Variants in SEM1 observed in about 807,000 individuals in gnomAD.
SEM1 encodes SEM1 26S proteasome subunit.
Under a neutral mutation model 12.7 loss-of-function variants are expected in SEM1, and 3 were observed. The observed-to-expected ratio is 0.24, with a 90% CI of 0.11 to 0.61. The LOEUF is 0.61. SEM1 is among the 20% of genes least tolerant of loss of function. The pLI, the probability that SEM1 is intolerant of heterozygous loss-of-function variation, is 0.88. For missense variants in SEM1, 59 were observed against 81.3 expected (o/e 0.73, Z 1.06); for synonymous variants, 30 against 27.8 (o/e 1.08, Z -0.25).
chr7:96,607,167 A>C (rs1481694585), intron 2 of SEM1, among the ~76,000 whole-genome samples: 1 of 152,216 alleles, frequency 6.6e-6, no homozygotes, highest in East Asian at 1.9e-4. Context: ...TTGGTGAAAC[A>C]AACAGATAAA....
intron 2 of SEM1, among the ~76,000 whole-genome samples, chr7:96,561,979 C>T (rs1805702235): frequency 6.6e-6 from 1 of 152,170 alleles, no homozygotes; most frequent in Admixed American, 6.5e-5. Context: ...TTTCTTTTTA[C>T]AACTGTAGCA....
intron 2 of SEM1, among the ~76,000 whole-genome samples, chr7:96,585,545 G>C (rs1009813633): frequency 2.0e-5 from 3 of 152,244 alleles, no homozygotes; most frequent in African/African-American, 7.2e-5. Context: ...CCTGGGCAAT[G>C]GCGGGCGCCC....
upstream of SEM1, among the ~76,000 whole-genome samples, chr7:96,497,428 A>T (rs1381595504): frequency 6.6e-6 from 1 of 152,136 alleles, no homozygotes; most frequent in Non-Finnish European, 1.5e-5. Context: ...AAGTGGAAAA[A>T]CAAGAAGAAA....
intron 2 of SEM1, among the ~76,000 whole-genome samples, chr7:96,538,381 C>T (rs913808303): frequency 2.6e-5 from 4 of 151,774 alleles, no homozygotes; most frequent in African/African-American, 9.7e-5. Context: ...TTGCTGAAAA[C>T]TAGACATATT....
At chr7:96,486,430 T>C in intron 1 of SEM1, 1 of 1,535,072 alleles carries the variant, frequency 6.5e-7, no homozygotes, top group Non-Finnish European at 8.7e-7. Flanking sequence ...ATAAGGGAAG[T>C]TGAAGGTATT....
downstream of SEM1, among the ~76,000 whole-genome samples, chr7:96,668,930 G>A (rs530972765): frequency 1.4e-4 from 21 of 152,236 alleles, no homozygotes; most frequent in African/African-American, 4.8e-4. Context: ...GAATGCCATG[G>A]GACAACAAAG....
At chr7:96,496,267 T>A in intron 1 of SEM1, 2 of 1,464,624 alleles carry the variant, frequency 1.4e-6, no homozygotes, top group Non-Finnish European at 1.8e-6. Context: ...ATTGATATAA[T>A]CCATATCAGT....
chr7:96,674,312 G>C (rs1223339975), intron 2 of SEM1, among the ~76,000 whole-genome samples: 3 of 152,056 alleles, frequency 2.0e-5, no homozygotes, highest in Non-Finnish European at 4.4e-5. Context: ...AGGGCTTATA[G>C]AGCAGTGTTT....
At chr7:96,493,815 C>T (rs1803126770) in intron 1 of SEM1, among the ~76,000 whole-genome samples, 1 of 152,154 alleles carries the variant, frequency 6.6e-6, no homozygotes, top group Non-Finnish European at 1.5e-5. Flanking sequence ...AGCTATTTCC[C>T]CAATCTATGC....
intron 2 of SEM1, among the ~76,000 whole-genome samples, chr7:96,694,479 C>A (rs1434511237): frequency 6.6e-6 from 1 of 151,946 alleles, no homozygotes; most frequent in Non-Finnish European, 1.5e-5. Flanking sequence ...CTCTATGATT[C>A]TAATTTCTGC....
intron 2 of SEM1, among the ~76,000 whole-genome samples, chr7:96,615,238 C>CTTTTTTT (rs1807672872): frequency 3.3e-5 from 1 of 30,494 alleles, no homozygotes; most frequent in African/African-American, 8.6e-5. Context: ...TTTTTTGAGT[C>CTTTTTTT]ATCTTTTTTT....
chr7:96,630,002 G>A (rs571710239), intron 2 of SEM1, among the ~76,000 whole-genome samples: 1 of 152,268 alleles, frequency 6.6e-6, no homozygotes, highest in Non-Finnish European at 1.5e-5. Context: ...TCTCTGTTCT[G>A]AGCCACCTGG....
intron 2 of SEM1, among the ~76,000 whole-genome samples, chr7:96,580,884 A>C (rs1319659547): frequency 6.6e-6 from 1 of 152,026 alleles, no homozygotes; most frequent in African/African-American, 2.4e-5. Context: ...TTGTCAGATG[A>C]GTAGGTTGCA....
chr7:96,565,067 C>A (rs768766310), intron 2 of SEM1, among the ~76,000 whole-genome samples: 2 of 151,950 alleles, frequency 1.3e-5, no homozygotes, highest in Non-Finnish European at 2.9e-5. Flanking sequence ...TCCTCCATTC[C>A]TCTCCCTATA....
intron 1 of SEM1, chr7:96,695,549 A>G (rs939718649): frequency 6.6e-6 from 1 of 151,948 alleles, no homozygotes; most frequent in African/African-American, 2.4e-5. Context: ...CTCAAATCTC[A>G]AGCTTTAAAT....
intron 2 of SEM1, among the ~76,000 whole-genome samples, chr7:96,509,255 C>G (rs563257470): frequency 1.3e-4 from 20 of 151,278 alleles, no homozygotes; most frequent in African/African-American, 4.6e-4. Flanking sequence ...ATCCACCTGC[C>G]TTGGCCTCTC....
rs544134469 is a variant in SEM1, at chr7:96,496,169, T to G, written c.12+115A>C. ...ATTTGACTAAAACCAAACATTCATT[T>G]TAACTCGTTAGATAGTTAAAATCAT... On this transcript the variant is annotated intron_variant, in intron 1 of 3. Transcript: ENST00000356686. The G allele has an allele frequency of 1.2e-4, 74 of 617,060 alleles. No individual in the cohort carries two copies. In the East Asian group the frequency reaches 1.5e-3, roughly 12 times the overall value. The allele number at this position is 617,060 out of a possible 1,614,324, so 38.2% of individuals were successfully genotyped here.
intron 2 of SEM1, among the ~76,000 whole-genome samples, chr7:96,648,368 CAGAA>C (rs1808869321): frequency 6.6e-6 from 1 of 152,102 alleles, no homozygotes; most frequent in South Asian, 2.1e-4. Context: ...TAAGTGGACA[CAGAA>C]AGAGCCACTA....
intron 2 of SEM1, among the ~76,000 whole-genome samples, chr7:96,560,329 G>A (rs1351090126): frequency 3.3e-5 from 5 of 152,028 alleles, no homozygotes; most frequent in Admixed American, 6.6e-5. Flanking sequence ...TATTATACGT[G>A]TTTGACAAAA....
Sources: gnomAD v4.1 joint callset for allele counts (sites outside exome capture counted in the v4.1 genomes callset) on GRCh38, gnomAD v4.1.1 for gene constraint, MANE v1.5 for transcripts, NCBI Gene and HGNC (gene_info 2026-07-23, HGNC 2026-07-21) for gene names.